The following MAP3K4 variants were observed in gnomAD, a reference collection of about 807,000 sequenced individuals.
MAP3K4 encodes MAP three kinase 1.
In MAP3K4, 67 loss-of-function variants were observed where a neutral mutation model predicts 185.6. That is an observed-to-expected ratio of 0.36 (90% CI 0.30 to 0.44). MAP3K4 has a LOEUF of 0.44. MAP3K4 is among the 20% of genes least tolerant of loss of function. The pLI, the probability that MAP3K4 is intolerant of heterozygous loss-of-function variation, is 1.00. For synonymous variants in MAP3K4, 702 were observed against 710.4 expected (o/e 0.99, Z 0.19); for missense variants, 1,551 against 1,995.1 (o/e 0.78, Z 4.24).
At chr6:161,047,142 A>G (rs1422372384) in intron 2 of MAP3K4, among the ~76,000 whole-genome samples, 1 of 117,636 alleles carries the variant, frequency 8.5e-6, no homozygotes, top group South Asian at 3.1e-4. Context: ...ATATATATAT[A>G]TATGTTTAAA....
intron 1 of MAP3K4, among the ~76,000 whole-genome samples, chr6:160,994,805 A>G (rs760239007): frequency 1.3e-5 from 2 of 152,062 alleles, no homozygotes; most frequent in Non-Finnish European, 2.9e-5. Context: ...AGTTCGAGCA[A>G]TTCTCCTGCC....
rs1222080763 is a variant in MAP3K4 at position 161,087,577 on chromosome 6, C to T, written c.2557-111C>T. ...TTCCCTCACTGCTCCAATTCATGCC[C>T]TTCCCACTTTCCCTTTCCCAAACCT... is the stretch of plus-strand genomic sequence containing the variant. On this transcript the variant is annotated intron_variant, in intron 9 of 26. Transcript: ENST00000392142. This position sits in a 1 kb window ranked among gnomAD's most constrained non-coding sequence, Gnocchi z 4.9. 6.3e-6 allele frequency: 7 copies of T among 1,105,892 alleles called. No individual in the cohort carries two copies. Among genetic ancestry groups the T allele is most frequent in the Non-Finnish European group, 9.4e-6 (7 of 747,358 alleles). The allele number at this position is 1,105,892 out of a possible 1,614,324, so 68.5% of individuals were successfully genotyped here.
Position 161,076,841 on chromosome 6 carries a change from G to C in MAP3K4, c.2097+3229G>C, listed in dbSNP as rs770081523. ...GTGTGCCAGGCAGGCACCATGCGGG[G>C]ACCAAGGAACTAGTGCCGAGCGTAA... On this transcript the variant is annotated intron_variant, in intron 5 of 26. Coordinates refer to ENST00000392142, the MANE Select transcript of MAP3K4 (RefSeq NM_005922.4). The surrounding 1 kb of genome is among the most constrained non-coding windows in gnomAD (Gnocchi z 4.2). Among the ~76,000 whole-genome samples, 1 of 152,176 alleles carries C rather than the reference G, an allele frequency of 6.6e-6. No homozygotes were observed. The highest frequency in any genetic ancestry group is 1.5e-5 in the Non-Finnish European group (1 of 68,042).
chr6:161,113,668 C>T (rs1383370895), intron 25 of MAP3K4, among the ~76,000 whole-genome samples: 4 of 151,868 alleles, frequency 2.6e-5, no homozygotes, highest in Admixed American at 2.6e-4. Context: ...TTCTATAAAC[C>T]CAAAACTGCT....
chr6:161,013,270 T>C (rs1781932316), intron 1 of MAP3K4, among the ~76,000 whole-genome samples: 1 of 152,222 alleles, frequency 6.6e-6, no homozygotes, highest in African/African-American at 2.4e-5. Context: ...TATATAAATT[T>C]GTTTTGTGAA....
rs993918801 is a variant in MAP3K4 at position 161,116,035 on chromosome 6, G to A, written c.4806+733G>A. ...TACAGCCAAGGGGTTGGGAGAGGGCGTTCCGGGTGAGTGAACAGCGGCATT... is the reference window on the plus strand; with the variant it reads ...TACAGCCAAGGGGTTGGGAGAGGGCATTCCGGGTGAGTGAACAGCGGCATT... On this transcript the variant is annotated intron_variant, in intron 26 of 26. Transcript: ENST00000392142. The surrounding 1 kb of genome is among the most constrained non-coding windows in gnomAD (Gnocchi z 6.2). 9.2e-5 allele frequency among the ~76,000 whole-genome samples: 14 copies of A among 152,170 alleles called. No individual in the cohort carries two copies. The highest frequency in any genetic ancestry group is 4.4e-5 in the Non-Finnish European group (3 of 68,036).
At chr6:161,011,287 A>G (rs975489145) in intron 1 of MAP3K4, among the ~76,000 whole-genome samples, 11 of 152,162 alleles carry the variant, frequency 7.2e-5, no homozygotes, top group Non-Finnish European at 8.8e-5. Context: ...GAAGTTATCA[A>G]CCTCCATGCA....
At chr6:161,018,713 A>G (rs1583115833) in intron 1 of MAP3K4, among the ~76,000 whole-genome samples, 1 of 152,220 alleles carries the variant, frequency 6.6e-6, no homozygotes, top group African/African-American at 2.4e-5. Flanking sequence ...TATGACCTAT[A>G]ACCAGGAGAA....
In MAP3K4 at chr6:161,098,092, A is replaced by G; in HGVS notation, c.3525-186A>G. 1 of 697,846 alleles carries G rather than the reference A, an allele frequency of 1.4e-6. No homozygotes were observed. The highest frequency in any genetic ancestry group is 2.3e-6 in the Non-Finnish European group (1 of 429,320). The allele number at this position is 697,846 out of a possible 1,614,324, so 43.2% of individuals were successfully genotyped here. ...ACAGGGTGCGATGCTGTCTCAAAAA[A>G]AAGAAAAGCTTTGAAGTTAGGTTTT... On this transcript the variant is annotated intron_variant, in intron 16 of 26. Coordinates refer to ENST00000392142, the MANE Select transcript of MAP3K4 (RefSeq NM_005922.4). The surrounding 1 kb of genome is among the most constrained non-coding windows in gnomAD (Gnocchi z 4.4).
Position 161,112,632 on chromosome 6 carries a change from A to G in MAP3K4, c.4520-36A>G. 3.7e-6 allele frequency: 5 copies of G among 1,354,654 alleles called. No individual in the cohort carries two copies. Among genetic ancestry groups the G allele is most frequent in the Non-Finnish European group, 5.0e-6 (5 of 999,690 alleles). The allele number at this position is 1,354,654 out of a possible 1,614,324, so 83.9% of individuals were successfully genotyped here. A position where few individuals can be genotyped will look rare whatever the true frequency, so the allele number is the denominator to read the frequency against. On this transcript the variant is annotated intron_variant, in intron 24 of 26. Coordinates refer to ENST00000392142, the MANE Select transcript of MAP3K4 (RefSeq NM_005922.4). This position sits in a 1 kb window ranked among gnomAD's most constrained non-coding sequence, Gnocchi z 5.1. ...TATTAATACATGTTGATGTGTTTAT[A>G]ACCCATTACTCTCAACATATCTGTG...
chr6:161,105,838 G>GTTTTTTTTTT (rs5881392), intron 19 of MAP3K4, among the ~76,000 whole-genome samples: 1 of 132,618 alleles, frequency 7.5e-6, no homozygotes. Context: ...TTGGTTTTTT[G>GTTTTTTTTTT]TTTTTTTTTT....
intron 3 of MAP3K4, among the ~76,000 whole-genome samples, chr6:161,058,737 A>G (rs893710237): frequency 6.6e-6 from 1 of 151,870 alleles, no homozygotes; most frequent in African/African-American, 2.4e-5. Flanking sequence ...CGTGTTGTCT[A>G]CTTTGGATCT....
rs1217028150 is a variant in MAP3K4, at chr6:161,048,038, A to G, written c.344-578A>G. The stretch of plus-strand genomic sequence containing the variant: ...TTTGTGGCAAAGGAGAAATAAAGGA[A>G]TAGAATAAACTAACGTCAGTGTTTT... On this transcript the variant is annotated intron_variant, in intron 2 of 26. Coordinates refer to ENST00000392142, the MANE Select transcript of MAP3K4 (RefSeq NM_005922.4). The surrounding 1 kb of genome is among the most constrained non-coding windows in gnomAD (Gnocchi z 4.7). 2.0e-5 allele frequency among the ~76,000 whole-genome samples: 3 copies of G among 152,224 alleles called. No individual in the cohort carries two copies. The highest frequency in any genetic ancestry group is 4.4e-5 in the Non-Finnish European group (3 of 68,026).
chr6:161,016,743 T>C (rs583856), intron 1 of MAP3K4, among the ~76,000 whole-genome samples: 147,831 of 152,338 alleles, frequency 0.97, 71,752 homozygotes, highest in East Asian at 1. Flanking sequence ...ATTACCTTTG[T>C]TTAGTTTTGA....
In MAP3K4 at chr6:161,037,670, A is replaced by G. The variant is rs1365404449; in HGVS notation, c.343+3221A>G. On this transcript the variant is annotated intron_variant, in intron 2 of 26. Coordinates refer to ENST00000392142, the MANE Select transcript of MAP3K4 (RefSeq NM_005922.4). The surrounding 1 kb of genome is among the most constrained non-coding windows in gnomAD (Gnocchi z 4.2). ...TGACCTCAGGTGATCCACCTGCCTC[A>G]GTCTCCCAAAGTGCTGGGATTATAG... 1.3e-5 allele frequency among the ~76,000 whole-genome samples: 2 copies of G among 152,152 alleles called. No individual in the cohort carries two copies. Among genetic ancestry groups the G allele is most frequent in the Non-Finnish European group, 2.9e-5 (2 of 68,018 alleles).
chr6:161,009,403 T>G (rs1331750815), intron 1 of MAP3K4, among the ~76,000 whole-genome samples: 1 of 152,210 alleles, frequency 6.6e-6, no homozygotes, highest in Admixed American at 6.5e-5. Flanking sequence ...ACCCATTAAA[T>G]AACAACTCCC....
chr6:161,026,043 A>T (rs1011372745), intron 1 of MAP3K4, among the ~76,000 whole-genome samples: 5 of 152,166 alleles, frequency 3.3e-5, no homozygotes, highest in African/African-American at 4.8e-5. Context: ...ACTGACATGT[A>T]ATAATTTTTT....
At position 161,112,100 on chromosome 6, in the gene MAP3K4, A is replaced by G. The variant is rs991645455; in HGVS notation, c.4519+142A>G. 9.4e-7 allele frequency: 1 copy of G among 1,069,388 alleles called. No homozygotes were observed. Among genetic ancestry groups the G allele is most frequent in the Non-Finnish European group, 1.3e-6 (1 of 760,406 alleles). 66.2% of individuals were successfully genotyped at this position (1,069,388 alleles called of 1,614,324 possible). ...GTCGTGAGAAGGACCACTTCCTCAC[A>G]CACTTGGGCTCCCACGCAAGAGCAG... On this transcript the variant is annotated intron_variant, in intron 24 of 26. Coordinates refer to ENST00000392142, the MANE Select transcript of MAP3K4 (RefSeq NM_005922.4). This position sits in a 1 kb window ranked among gnomAD's most constrained non-coding sequence, Gnocchi z 5.1.
intron 1 of MAP3K4, among the ~76,000 whole-genome samples, chr6:161,011,105 G>A (rs939905723): frequency 6.6e-6 from 1 of 152,192 alleles, no homozygotes; most frequent in African/African-American, 2.4e-5. Context: ...AGAAAGAGAA[G>A]GTGGAGAGAA....
Sources: allele counts gnomAD v4.1 joint callset (sites outside exome capture counted in the v4.1 genomes callset), GRCh38; gene constraint gnomAD v4.1.1; non-coding constraint Gnocchi (gnomAD v3.1); transcripts MANE v1.5; gene names NCBI Gene and HGNC (gene_info 2026-07-23, HGNC 2026-07-21).